The following SEC24C variants were observed in gnomAD, a reference collection of about 807,000 sequenced individuals.
SEC24C encodes SEC24 homolog C, COPII component.
A neutral mutation model predicts 117.0 loss-of-function variants in SEC24C; 22 were observed. That is an observed-to-expected ratio of 0.19 (90% CI 0.13 to 0.27). The LOEUF (loss-of-function observed/expected upper bound fraction) is 0.27, where lower values mean the gene tolerates loss of function less well. SEC24C is among the 10% of genes least tolerant of loss of function. The pLI is 1.00. For missense variants in SEC24C, 1,155 were observed against 1,375.1 expected (o/e 0.84, Z 2.53); for synonymous variants, 506 against 529.4 (o/e 0.96, Z 0.61).
Position 73,763,205 on chromosome 10 carries a change from G to A in SEC24C, c.988-285G>A, listed in dbSNP as rs138612679. 4.6e-3 allele frequency among the ~76,000 whole-genome samples: 699 copies of A among 152,140 alleles called. 8 individuals carry two copies. Among genetic ancestry groups the A allele is most frequent in the African/African-American group, 0.016 (668 of 41,486 alleles). On this transcript the variant is annotated intron_variant, in intron 6 of 22. Transcript: ENST00000345254. ...TTCCTGGAATGGGAGGAATGAGAGG[G>A]TGTTCACCATTGATGGGGGGTAGGG... is the stretch of plus-strand genomic sequence containing the variant.
rs768617923 is a variant in SEC24C, at chr10:73,766,545, A to G, written c.1799+4A>G. 6.2e-7 allele frequency: 1 copy of G among 1,602,826 alleles called. No individual in the cohort carries two copies. Among genetic ancestry groups the G allele is most frequent in the South Asian group, 1.1e-5 (1 of 90,376 alleles). ...AGTCTCGGGCAGTTATCACCAGGTA[A>G]GAGCCAGATTGTGGAGGTAAAGGTT... is the stretch of plus-strand genomic sequence containing the variant. On this transcript the variant is annotated splice_donor_region_variant and intron_variant, in intron 12 of 22. Coordinates refer to ENST00000345254, the MANE Select transcript of SEC24C (RefSeq NM_198597.3).
In SEC24C at chr10:73,768,926, C is replaced by T; in HGVS notation, c.2278+20C>T. On this transcript the variant is annotated intron_variant, in intron 16 of 22. Transcript: ENST00000345254. ...GCACTGGTCAGTCCTGATTGAAGAGCAGGTTGGGGGGCTAAATATGGAAGG... is the reference window on the plus strand; with the variant it reads ...GCACTGGTCAGTCCTGATTGAAGAGTAGGTTGGGGGGCTAAATATGGAAGG... 1 of 1,614,154 alleles carries T rather than the reference C, an allele frequency of 6.2e-7. No individual in the cohort carries two copies. The highest frequency in any genetic ancestry group is 8.5e-7 in the Non-Finnish European group (1 of 1,180,016).
In SEC24C at chr10:73,769,824, T is replaced by C; in HGVS notation, c.2683-12T>C. The C allele has an allele frequency of 6.2e-7, 1 of 1,613,318 alleles. No individual in the cohort carries two copies. The highest frequency in any genetic ancestry group is 1.1e-5 in the South Asian group (1 of 91,076). Reference sequence around the variant, plus strand: ...CTCATGATCATTGACTTTATTTTGATAATCCCCTCAGTTGATCCTTCCTGA... The same window carrying C: ...CTCATGATCATTGACTTTATTTTGACAATCCCCTCAGTTGATCCTTCCTGA... On this transcript the variant is annotated splice_polypyrimidine_tract_variant and intron_variant, in intron 19 of 22. Transcript: ENST00000345254. This position sits in a 1 kb window ranked among gnomAD's most constrained non-coding sequence, Gnocchi z 4.5.
rs757234498 is a variant in SEC24C at position 73,760,067 on chromosome 10, T to A, written c.531T>A (p.Gly177=). Residue 177 remains glycine, a synonymous_variant, in exon 5 of 23, where the codon GGT becomes GGA. Coordinates refer to ENST00000345254, the MANE Select transcript of SEC24C (RefSeq NM_198597.3). ...ASASGSFPNS[G]LYGSYPQGQA... is the part of the protein sequence containing the mutation. ...CCTCAGGAAGTTTCCCTAACTCTGG[T>A]CTGTATGGCTCCTATCCTCAGGGCC... The A allele has an allele frequency of 6.2e-7, 1 of 1,610,890 alleles. No homozygotes were observed. The highest frequency in any genetic ancestry group is 2.2e-5 in the East Asian group (1 of 44,810).
intron 3 of SEC24C, among the ~76,000 whole-genome samples, chr10:73,756,687 G>A (rs1250861886): frequency 1.3e-5 from 2 of 151,464 alleles, no homozygotes; most frequent in Non-Finnish European, 2.9e-5. Context: ...TGCAGCCTCT[G>A]CCTCCTGGGT....
At chr10:73,753,442 A>G (rs1016967135) in intron 3 of SEC24C, among the ~76,000 whole-genome samples, 1 of 152,064 alleles carries the variant, frequency 6.6e-6, no homozygotes, top group Non-Finnish European at 1.5e-5. Flanking sequence ...GGCCAAGGTG[A>G]GAAGATTGCT....
chr10:73,768,994 C>T lies in SEC24C; in HGVS notation c.2279-13C>T. 1 of 1,614,208 alleles carries T rather than the reference C, an allele frequency of 6.2e-7. No individual in the cohort carries two copies. Among genetic ancestry groups the T allele is most frequent in the East Asian group, 2.2e-5 (1 of 44,890 alleles). ...TCATACTTTTTGCCCTGACCCTGTC[C>T]ATGTGGCCTCAGGTATCCGTGCTGT... On this transcript the variant is annotated splice_polypyrimidine_tract_variant and intron_variant, in intron 16 of 22. Coordinates refer to ENST00000345254, the MANE Select transcript of SEC24C (RefSeq NM_198597.3).
At position 73,770,722 on chromosome 10, in the gene SEC24C, T is replaced by C; in HGVS notation, c.3068T>C (p.Val1023Ala). 6.2e-7 allele frequency: 1 copy of C among 1,614,124 alleles called. No individual in the cohort carries two copies. The highest frequency in any genetic ancestry group is 8.5e-7 in the Non-Finnish European group (1 of 1,180,020). The change falls in exon 22 of 23, where the codon GTT becomes GCT. Residue 1023 changes from valine (V) to alanine (A), a missense_variant. Val to Ala is a moderately conservative substitution (Grantham distance 64). This residue lies in a region of SEC24C where 759 missense variants were observed against 992.3 expected (regional missense o/e 0.76). Transcript: ENST00000345254. Reference protein sequence around the residue: ...QITSGLSVLPVLDNPLSKKVR... With the variant: ...QITSGLSVLPALDNPLSKKVR... ...TTTGTGTTCTAGAGTGTTCTGCCAG[T>C]TCTGGATAATCCACTGTCCAAGAAG...
In SEC24C at chr10:73,771,232, A is replaced by C. The variant is rs924729940; in HGVS notation, c.*137A>C. The C allele has an allele frequency of 2.1e-5, 21 of 994,548 alleles. No homozygotes were observed. The highest frequency in any genetic ancestry group is 3.3e-5 in the South Asian group (2 of 60,640). 61.6% of individuals were successfully genotyped at this position (994,548 alleles called of 1,614,324 possible). Reference sequence around the variant, plus strand: ...GGGGGAGGGGGAGATATAAGGAGACACCTTCTTTCTGGGCTCAAGTATCCT... The same window carrying C: ...GGGGGAGGGGGAGATATAAGGAGACCCCTTCTTTCTGGGCTCAAGTATCCT... On this transcript the variant is annotated 3_prime_UTR_variant, in exon 23 of 23. Transcript: ENST00000345254.
rs539476453 is a variant in SEC24C, at chr10:73,768,671, T to C, written c.2182-139T>C. The C allele has an allele frequency of 1.0e-4, 77 of 757,258 alleles. 1 individual carries two copies. Among genetic ancestry groups the C allele is most frequent in the South Asian group, 1.0e-3 (63 of 62,526 alleles). 46.9% of individuals were successfully genotyped at this position (757,258 alleles called of 1,614,324 possible). On this transcript the variant is annotated intron_variant, in intron 15 of 22. Transcript: ENST00000345254. The stretch of plus-strand genomic sequence containing the variant: ...CAGTCTAAGTGTTTAAAAGCTATTA[T>C]TGTCATCATCATTATCATCCTCACT...
chr10:73,748,222 G>A (rs1300181189), intron 2 of SEC24C, among the ~76,000 whole-genome samples: 2 of 151,546 alleles, frequency 1.3e-5, no homozygotes, highest in East Asian at 1.9e-4. Flanking sequence ...TGCAACCTCC[G>A]CCTCCCAGAT....
intron 3 of SEC24C, among the ~76,000 whole-genome samples, chr10:73,755,917 T>A (rs1427717550): frequency 6.6e-6 from 1 of 151,370 alleles, no homozygotes; most frequent in Non-Finnish European, 1.5e-5. Flanking sequence ...AGTGGCACGA[T>A]CTCTGCTCAC....
chr10:73,760,203 C>T lies in SEC24C; in HGVS notation c.667C>T (p.Leu223=), dbSNP rs2082775807. ...ACCCCCAGCTTCAGGGGGTCCTCGG[C>T]TGCCTTCGATGACTGGTCCACTCCT... ...FTPPASGGPR[L]PSMTGPLLPG... Residue 223 remains leucine (L), a synonymous_variant, in exon 5 of 23, where the codon CTG becomes TTG. Transcript: ENST00000345254. 1 of 1,614,162 alleles carries T rather than the reference C, an allele frequency of 6.2e-7. No individual in the cohort carries two copies. The highest frequency in any genetic ancestry group is 8.5e-7 in the Non-Finnish European group (1 of 1,180,024).
rs759337386 is a variant in SEC24C, at chr10:73,769,636, G to C, written c.2585G>C (p.Ser862Thr). The change falls in exon 19 of 23, where the codon AGC (serine) becomes ACC (threonine). Residue 862 changes from serine to threonine, a missense_variant. Physicochemically the swap from Ser to Thr is moderately conservative, Grantham distance 58. This residue lies in a region of SEC24C where 759 missense variants were observed against 992.3 expected (regional missense o/e 0.76). Transcript: ENST00000345254. This position sits in a 1 kb window ranked among gnomAD's most constrained non-coding sequence, Gnocchi z 4.5. ...CCAGCATATCGGGGAGTCCTGAATA[G>C]CCCTGTGAAGGCTGTTCGTGACACG... ...AKFAYRGVLN[S>T]PVKAVRDTLI... 1 of 1,614,074 alleles carries C rather than the reference G, an allele frequency of 6.2e-7. No individual in the cohort carries two copies. The highest frequency in any genetic ancestry group is 8.5e-7 in the Non-Finnish European group (1 of 1,180,016).
chr10:73,757,380 A>G (rs2082725871), intron 3 of SEC24C, among the ~76,000 whole-genome samples: 1 of 148,460 alleles, frequency 6.7e-6, no homozygotes. Context: ...AAAATAGCTG[A>G]GCATTGTTGG....
At chr10:73,768,968 GT>G (rs1221073838) in intron 16 of SEC24C, 38 bp from the exon 17 acceptor site, 2 of 1,614,234 alleles carry the variant, frequency 1.2e-6, no homozygotes. Flanking sequence ...TGTGGCACTT[GT>G]CATACTTTTT....
At position 73,766,421 on chromosome 10, in the gene SEC24C, A is replaced by G; in HGVS notation, c.1679A>G (p.Asn560Ser). The G allele has an allele frequency of 6.2e-7, 1 of 1,614,168 alleles. No homozygotes were observed. Among genetic ancestry groups the G allele is most frequent in the African/African-American group, 1.3e-5 (1 of 75,046 alleles). The change falls in exon 12 of 23, where the codon AAT (asparagine) becomes AGT (serine). Residue 560 changes from asparagine to serine, a missense_variant. Asn to Ser is a conservative substitution (Grantham distance 46). Coordinates refer to ENST00000345254, the MANE Select transcript of SEC24C (RefSeq NM_198597.3). ...TACAATAAGGTGCTCCACTTCTATAATGTGAAGAGCTCATTGGCCCAGCCA... is the reference window on the plus strand; with the variant it reads ...TACAATAAGGTGCTCCACTTCTATAGTGTGAAGAGCTCATTGGCCCAGCCA... ...VTYNKVLHFY[N>S]VKSSLAQPQM... is the part of the protein sequence containing the mutation.
chr10:73,765,632 T>C, intron 9 of SEC24C, 43 bp downstream of exon 9: 1 of 1,605,624 alleles, frequency 6.2e-7, no homozygotes. Context: ...GTCTTGATTG[T>C]ATCTTCCTTG....
rs761805231 is a variant in SEC24C at position 73,769,926 on chromosome 10, A to G, written c.2773A>G (p.Thr925Ala). Residue 925 changes from threonine (T) to alanine (A), a missense_variant, in exon 20 of 23, where the codon ACT becomes GCT. Thr to Ala is a moderately conservative substitution (Grantham distance 58). Around this residue, in one of 2 missense-constraint regions of SEC24C, gnomAD observed 759 missense variants for 992.3 expected, o/e 0.76. Transcript: ENST00000345254. This position sits in a 1 kb window ranked among gnomAD's most constrained non-coding sequence, Gnocchi z 4.5. ...CCTGCAGCCTGGAGCTGAAGTCACT[A>G]CTGATGACCGTGCCTATGTCCGACA... is the stretch of plus-strand genomic sequence containing the variant. ...DVLQPGAEVT[T>A]DDRAYVRQLV... The G allele has an allele frequency of 6.2e-7, 1 of 1,614,160 alleles. No homozygotes were observed. Among genetic ancestry groups the G allele is most frequent in the Admixed American group, 1.7e-5 (1 of 60,028 alleles).
Sources: allele counts gnomAD v4.1 joint callset (sites outside exome capture counted in the v4.1 genomes callset), GRCh38; gene constraint gnomAD v4.1.1; regional missense constraint gnomAD v4.1.1; non-coding constraint Gnocchi (gnomAD v3.1); transcripts MANE v1.5; gene names NCBI Gene and HGNC (gene_info 2026-07-23, HGNC 2026-07-21).